Variants in ITGB6 observed in about 807,000 individuals in gnomAD.
The protein encoded by ITGB6 is integrin subunit beta 6.
In ITGB6, 80 loss-of-function variants were observed where a neutral mutation model predicts 84.5. The ratio of observed to expected loss-of-function variants is 0.95; its 90% CI spans 0.79 to 1.14. ITGB6 has a LOEUF of 1.14. Among genes scored for constraint, ITGB6 ranks in the 50% most tolerant of loss-of-function variants. ITGB6 has a pLI of 0.00. For missense variants in ITGB6, 1,006 were observed against 968.0 expected, an observed-to-expected ratio of 1.04 and a Z score of -0.52; for synonymous variants, 383 against 354.9, an observed-to-expected ratio of 1.08 and a Z score of -0.89.
chr2:160,123,245 G>T (rs958619242), intron 12 of ITGB6, among the ~76,000 whole-genome samples: 1 of 152,160 alleles, frequency 6.6e-6, no homozygotes, highest in Non-Finnish European at 1.5e-5. Context: ...TATTTTGGGG[G>T]TGAGGCAACA....
rs535594869 is a variant in ITGB6, at chr2:160,199,044, C to G, written c.141+135G>C. On this transcript the variant is annotated intron_variant, in intron 2 of 14. Transcript: ENST00000283249. ...GCCATTTTGATCTACCAATGCTCACCTTCTCCTTTCCTGATTTGTTTTACT... is the reference window on the plus strand; with the variant it reads ...GCCATTTTGATCTACCAATGCTCACGTTCTCCTTTCCTGATTTGTTTTACT... The G allele has an allele frequency of 7.3e-5, 47 of 641,190 alleles. 1 individual carries two copies. The highest frequency in any genetic ancestry group is 1.2e-4 in the Non-Finnish European group (42 of 354,892). 39.7% of individuals were successfully genotyped at this position (641,190 alleles called of 1,614,324 possible). A position where few individuals can be genotyped will look rare whatever the true frequency, so the allele number is the denominator to read the frequency against.
chr2:160,119,009 T>C (rs373520937), intron 12 of ITGB6, among the ~76,000 whole-genome samples: 2 of 151,998 alleles, frequency 1.3e-5, no homozygotes, highest in Non-Finnish European at 2.9e-5. Flanking sequence ...CTCAATGAAA[T>C]AAAAGAGGAT....
intron 7 of ITGB6, among the ~76,000 whole-genome samples, chr2:160,153,340 G>C (rs1684500502): frequency 6.6e-6 from 1 of 152,144 alleles, no homozygotes; most frequent in East Asian, 1.9e-4. Flanking sequence ...AATGGGAAAA[G>C]GATTCCCTAT....
intron 7 of ITGB6, among the ~76,000 whole-genome samples, chr2:160,159,899 C>T (rs997209443): frequency 6.6e-6 from 1 of 152,060 alleles, no homozygotes; most frequent in South Asian, 2.1e-4. Flanking sequence ...AATTGTTTCT[C>T]GTCTATTTCC....
intron 7 of ITGB6, among the ~76,000 whole-genome samples, chr2:160,158,877 G>A (rs534697950): frequency 1.3e-5 from 2 of 152,210 alleles, no homozygotes; most frequent in South Asian, 4.1e-4. Context: ...GAGGGGGGTG[G>A]ATCATGAAGT....
chr2:160,199,851 G>A, intron 1 of ITGB6, 152 bp downstream of exon 1: 1 of 631,978 alleles, frequency 1.6e-6, no homozygotes, highest in Non-Finnish European at 2.8e-6. Context: ...ACTGCCCGGT[G>A]TTTGTCTGTA....
chr2:160,101,617 C>T lies in ITGB6; in HGVS notation c.*119G>A. On this transcript the variant is annotated 3_prime_UTR_variant, in exon 15 of 15. Transcript: ENST00000283249. ...CTTCATGTAGAGGATGACTTATCTG[C>T]AGATGTCCTATTATTATCTTAAACC... 1 of 681,118 alleles carries T rather than the reference C, an allele frequency of 1.5e-6. No homozygotes were observed. The highest frequency in any genetic ancestry group is 2.6e-6 in the Non-Finnish European group (1 of 378,498). The allele number at this position is 681,118 out of a possible 1,614,324, so 42.2% of individuals were successfully genotyped here. A position where few individuals can be genotyped will look rare whatever the true frequency, so the allele number is the denominator to read the frequency against.
intron 14 of ITGB6, among the ~76,000 whole-genome samples, chr2:160,102,230 A>G (rs2105766255): frequency 6.6e-6 from 1 of 152,318 alleles, no homozygotes; most frequent in South Asian, 2.1e-4. Context: ...CCAAAAAAGT[A>G]AAAAACAGGA....
At position 160,200,244 on chromosome 2, in the gene ITGB6, A is replaced by G; in HGVS notation, c.-181T>C. The G allele has an allele frequency of 1.8e-6, 1 of 550,646 alleles. No homozygotes were observed. Among genetic ancestry groups the G allele is most frequent in the Non-Finnish European group, 3.2e-6 (1 of 315,740 alleles). 34.1% of individuals were successfully genotyped at this position (550,646 alleles called of 1,614,324 possible). On this transcript the variant is annotated 5_prime_UTR_variant, in exon 1 of 15. Transcript: ENST00000283249. ...GAAAGTTTTCATTAAGACTGAAATG[A>G]AAACAGAGGCTACCTGGACAGGTAA...
At chr2:160,175,915 C>T (rs1020260647) in intron 4 of ITGB6, among the ~76,000 whole-genome samples, 1 of 152,138 alleles carries the variant, frequency 6.6e-6, no homozygotes, top group African/African-American at 2.4e-5. Flanking sequence ...CAGAACATGA[C>T]TACCATGAAT....
At chr2:160,147,517 A>T (rs1024707194) in intron 7 of ITGB6, among the ~76,000 whole-genome samples, 2 of 152,260 alleles carry the variant, frequency 1.3e-5, no homozygotes, top group Non-Finnish European at 2.9e-5. Flanking sequence ...ATGATCCAGA[A>T]TAGCCAACTC....
In ITGB6 at chr2:160,174,087, A is replaced by G. The variant is rs1574120063; in HGVS notation, c.646T>C (p.Leu216=). 1 of 1,612,456 alleles carries G rather than the reference A, an allele frequency of 6.2e-7. No individual in the cohort carries two copies. Among genetic ancestry groups the G allele is most frequent in the East Asian group, 2.2e-5 (1 of 44,844 alleles). The change falls in exon 5 of 15, where the codon TTG becomes CTG. Residue 216 remains leucine, a synonymous_variant. Coordinates refer to ENST00000283249, the MANE Select transcript of ITGB6 (RefSeq NM_000888.5). ...TTGAATCTTTCAGCATCATTTGTCA[A>G]TGGCAAAATGTGCTTGAATCCAAAT... The part of the protein sequence containing the change: ...PTFGFKHILP[L]TNDAERFNEI...
chr2:160,138,771 A>G (rs1158833279), intron 8 of ITGB6, among the ~76,000 whole-genome samples: 1 of 152,202 alleles, frequency 6.6e-6, no homozygotes, highest in Non-Finnish European at 1.5e-5. Context: ...GTTTTGGTAC[A>G]TTTCTGCATA....
At chr2:160,119,233 G>C (rs1320140306) in intron 12 of ITGB6, among the ~76,000 whole-genome samples, 1 of 152,176 alleles carries the variant, frequency 6.6e-6, no homozygotes, top group Non-Finnish European at 1.5e-5. Context: ...AAAGAACAAA[G>C]CTAGAGGCAT....
intron 4 of ITGB6, among the ~76,000 whole-genome samples, chr2:160,188,107 G>A (rs2105889169): frequency 6.6e-6 from 1 of 152,258 alleles, no homozygotes; most frequent in Non-Finnish European, 1.5e-5. Flanking sequence ...GAGAGTAATG[G>A]TTTATCCAAA....
intron 12 of ITGB6, among the ~76,000 whole-genome samples, chr2:160,117,544 T>C (rs1399610280): frequency 6.6e-6 from 1 of 152,102 alleles, no homozygotes; most frequent in Non-Finnish European, 1.5e-5. Context: ...TAGCACTAAA[T>C]GCCCACAAGA....
At chr2:160,141,457 C>T (rs947022681) in intron 8 of ITGB6, among the ~76,000 whole-genome samples, 2 of 152,178 alleles carry the variant, frequency 1.3e-5, no homozygotes, top group African/African-American at 2.4e-5. Flanking sequence ...AAAATTTACA[C>T]ACCTACTCAT....
chr2:160,178,605 C>A (rs760381190), intron 4 of ITGB6, among the ~76,000 whole-genome samples: 29 of 151,974 alleles, frequency 1.9e-4, no homozygotes, highest in Non-Finnish European at 3.8e-4. Context: ...ATGGCTCACG[C>A]CAGGGAATTT....
intron 7 of ITGB6, among the ~76,000 whole-genome samples, chr2:160,144,028 T>TTTG (rs990195195): frequency 7.2e-5 from 11 of 152,152 alleles, no homozygotes; most frequent in African/African-American, 2.7e-4. Flanking sequence ...TCTAATTATT[T>TTTG]TTGTTGTTGT....
Sources: gnomAD v4.1 joint callset for allele counts (sites outside exome capture counted in the v4.1 genomes callset) on GRCh38, gnomAD v4.1.1 for gene constraint, MANE v1.5 for transcripts, NCBI Gene and HGNC (gene_info 2026-07-23, HGNC 2026-07-21) for gene names.